SH3BP4: variants seen among roughly 807,000 people sequenced by gnomAD.
SH3BP4 encodes the protein SH3 domain binding protein 4.
A neutral mutation model predicts 65.5 loss-of-function variants in SH3BP4; 33 were observed. The ratio of observed to expected loss-of-function variants is 0.50; its 90% CI spans 0.38 to 0.67. The LOEUF (loss-of-function observed/expected upper bound fraction) is 0.67, where lower values mean the gene tolerates loss of function less well. Among genes scored for constraint, SH3BP4 ranks in the 30% least tolerant of loss-of-function variants. The pLI is 0.00. For synonymous variants in SH3BP4, 552 were observed against 545.5 expected (o/e 1.01, Z -0.17); for missense variants, 1,134 against 1,261.4 (o/e 0.90, Z 1.53).
At chr2:234,986,099 A>C (rs1296158605) in intron 1 of SH3BP4, among the ~76,000 whole-genome samples, 1 of 149,152 alleles carries the variant, frequency 6.7e-6, no homozygotes, top group Non-Finnish European at 1.5e-5. Context: ...CCCTTGACAC[A>C]AACCTATGAG....
In SH3BP4 at chr2:235,042,161, C is replaced by T. The variant is rs1695678320; in HGVS notation, c.1392C>T (p.Ser464=). Reference sequence around the variant, plus strand: ...ATGGCCCAAGCATCCTCTACCCTTCCACCGTGTGGGACTTCATCAATAAAA... The same window carrying T: ...ATGGCCCAAGCATCCTCTACCCTTCTACCGTGTGGGACTTCATCAATAAAA... ...VAHGPSILYP[S]TVWDFINKKV... Residue 464 remains serine, a synonymous_variant, in exon 4 of 6, where the codon TCC becomes TCT. Transcript: ENST00000392011. This position sits in a 1 kb window ranked among gnomAD's most constrained non-coding sequence, Gnocchi z 7.3. 2 of 1,614,108 alleles carry T rather than the reference C, an allele frequency of 1.2e-6. No individual in the cohort carries two copies. The highest frequency in any genetic ancestry group is 1.6e-4 in the Middle Eastern group (1 of 6,062).
At chr2:235,047,713 A>G (rs921767828) in intron 4 of SH3BP4, among the ~76,000 whole-genome samples, 1 of 152,180 alleles carries the variant, frequency 6.6e-6, no homozygotes, top group East Asian at 1.9e-4. Flanking sequence ...GAACTTCCTA[A>G]GGGGCCAGAG....
At position 235,041,340 on chromosome 2, in the gene SH3BP4, G is replaced by T; in HGVS notation, c.571G>T (p.Asp191Tyr). 6.2e-7 allele frequency: 1 copy of T among 1,614,176 alleles called. No individual in the cohort carries two copies. Among genetic ancestry groups the T allele is most frequent in the South Asian group, 1.1e-5 (1 of 91,086 alleles). ...TGAGCTGAATCCCAAAAGTACTGTG[G>T]ATTTGCTCCTTTTTGACGCAGGTAC... is the stretch of plus-strand genomic sequence containing the variant. ...LDELNPKSTV[D>Y]LLLFDAGTSS... is the part of the protein sequence containing the mutation. The change falls in exon 4 of 6, where the codon GAT becomes TAT. Residue 191 changes from aspartate (D) to tyrosine (Y), a missense_variant. Physicochemically the swap from Asp to Tyr is radical, Grantham distance 160. Coordinates refer to ENST00000392011, the MANE Select transcript of SH3BP4 (RefSeq NM_014521.3). The surrounding 1 kb of genome is among the most constrained non-coding windows in gnomAD (Gnocchi z 6.0).
intron 1 of SH3BP4, among the ~76,000 whole-genome samples, chr2:234,990,656 A>G (rs1313191050): frequency 6.6e-6 from 1 of 152,220 alleles, no homozygotes; most frequent in African/African-American, 2.4e-5. Flanking sequence ...GAGCATTTTC[A>G]GATCTGTCAC....
At chr2:235,024,491 G>C (rs1694936393) in intron 2 of SH3BP4, among the ~76,000 whole-genome samples, 1 of 152,148 alleles carries the variant, frequency 6.6e-6, no homozygotes. Context: ...TTGAGCCTCA[G>C]ACATGGCATG....
intron 1 of SH3BP4, among the ~76,000 whole-genome samples, chr2:234,966,622 C>T (rs1421049589): frequency 2.6e-5 from 4 of 152,122 alleles, no homozygotes; most frequent in East Asian, 1.9e-4. Context: ...GGATATTAAC[C>T]GAGGGGAATT....
chr2:235,015,936 G>A (rs573316334), intron 2 of SH3BP4, among the ~76,000 whole-genome samples: 2 of 152,204 alleles, frequency 1.3e-5, no homozygotes, highest in East Asian at 3.9e-4. Flanking sequence ...TGAGAAAGGT[G>A]CAAACGATGG....
intron 1 of SH3BP4, among the ~76,000 whole-genome samples, chr2:234,982,964 G>A (rs1363202300): frequency 6.6e-6 from 1 of 152,236 alleles, no homozygotes; most frequent in Non-Finnish European, 1.5e-5. Context: ...AGATGCAGCT[G>A]AGACCAGCGG....
In SH3BP4 at chr2:235,042,362, G is replaced by A. The variant is rs148242042; in HGVS notation, c.1593G>A (p.Leu531=). 9.7e-5 allele frequency: 156 copies of A among 1,614,140 alleles called. No individual in the cohort carries two copies. Among genetic ancestry groups the A allele is most frequent in the African/African-American group, 7.7e-4 (58 of 75,034 alleles). Residue 531 remains leucine, a synonymous_variant, in exon 4 of 6, where the codon TTG becomes TTA. Coordinates refer to ENST00000392011, the MANE Select transcript of SH3BP4 (RefSeq NM_014521.3). This position sits in a 1 kb window ranked among gnomAD's most constrained non-coding sequence, Gnocchi z 7.3. Reference sequence around the variant, plus strand: ...TGTGGGGGAAGCACCAGTTCGTTTTGTCCAGGCCCCAGGATCTCAAGGTCT... The same window carrying A: ...TGTGGGGGAAGCACCAGTTCGTTTTATCCAGGCCCCAGGATCTCAAGGTCT... ...LQLWGKHQFV[L]SRPQDLKVCM... is the part of the protein sequence containing the mutation.
chr2:235,051,441 C>T (rs527756212), intron 4 of SH3BP4, among the ~76,000 whole-genome samples: 44 of 152,294 alleles, frequency 2.9e-4, no homozygotes, highest in African/African-American at 4.3e-4. Context: ...AGTCCCAAGG[C>T]GGCCACGTGG....
rs1390593069 is a variant in SH3BP4, at chr2:235,038,373, A to T, written c.119-2515A>T. Among the ~76,000 whole-genome samples the T allele has an allele frequency of 7.6e-3, 317 of 41,918 alleles. 10 individuals are homozygous for T. Among genetic ancestry groups the T allele is most frequent in the Non-Finnish European group, 9.8e-3 (262 of 26,766 alleles). 27.5% of individuals were successfully genotyped at this position (41,918 alleles called of 152,430 possible). A position where few individuals can be genotyped will look rare whatever the true frequency, so the allele number is the denominator to read the frequency against. On this transcript the variant is annotated intron_variant, in intron 3 of 5. Coordinates refer to ENST00000392011, the MANE Select transcript of SH3BP4 (RefSeq NM_014521.3). The stretch of plus-strand genomic sequence containing the variant: ...TTTTATATATATATATATAATATAT[A>T]TACATATATATATATATATATATAT...
rs57539980 is a variant in SH3BP4 at position 235,035,844 on chromosome 2, C to G, written c.118+724C>G. The stretch of plus-strand genomic sequence containing the variant: ...TTTCTTCCTGCACATCTGCCCTAAC[C>G]TAGGCCACGTTCAGTCTCTCTCACA... On this transcript the variant is annotated intron_variant, in intron 3 of 5. Coordinates refer to ENST00000392011, the MANE Select transcript of SH3BP4 (RefSeq NM_014521.3). The surrounding 1 kb of genome is among the most constrained non-coding windows in gnomAD (Gnocchi z 5.0). Among the ~76,000 whole-genome samples the G allele has an allele frequency of 0.04, 6,123 of 152,294 alleles. 369 individuals carry two copies. The highest frequency in any genetic ancestry group is 0.13 in the African/African-American group (5,543 of 41,532).
intron 2 of SH3BP4, among the ~76,000 whole-genome samples, chr2:235,020,437 C>T (rs776276291): frequency 1.3e-5 from 2 of 152,034 alleles, no homozygotes; most frequent in Non-Finnish European, 2.9e-5. Flanking sequence ...GCAGAGGTTG[C>T]AGTGAGCCGA....
intron 2 of SH3BP4, among the ~76,000 whole-genome samples, chr2:235,027,163 G>A (rs1196093135): frequency 6.6e-6 from 1 of 152,236 alleles, no homozygotes; most frequent in Non-Finnish European, 1.5e-5. Flanking sequence ...GAAGCATCCT[G>A]GGAGGGACAC....
intron 3 of SH3BP4, among the ~76,000 whole-genome samples, chr2:235,036,502 T>A (rs1448752973): frequency 1.3e-5 from 2 of 152,070 alleles, no homozygotes; most frequent in African/African-American, 4.8e-5. Context: ...ACGCCTGTAA[T>A]CCCAGCACTT....
chr2:235,034,878 C>A lies in SH3BP4; in HGVS notation c.-125C>A. 1 of 725,784 alleles carries A rather than the reference C, an allele frequency of 1.4e-6. No homozygotes were observed. The highest frequency in any genetic ancestry group is 2.3e-6 in the Non-Finnish European group (1 of 434,514). The allele number at this position is 725,784 out of a possible 1,614,324, so 45.0% of individuals were successfully genotyped here. ...TTCCTCCTCTACTTTCAGGAAGAAA[C>A]ATATTGCCGAGTGGATGCCGCCGCG... On this transcript the variant is annotated 5_prime_UTR_variant, in exon 3 of 6. Coordinates refer to ENST00000392011, the MANE Select transcript of SH3BP4 (RefSeq NM_014521.3). The surrounding 1 kb of genome is among the most constrained non-coding windows in gnomAD (Gnocchi z 6.2).
At chr2:235,022,938 T>A (rs1311552289) in intron 2 of SH3BP4, among the ~76,000 whole-genome samples, 5 of 152,174 alleles carry the variant, frequency 3.3e-5, no homozygotes, top group Non-Finnish European at 7.3e-5. Context: ...TGGGCCCCAC[T>A]CCTTGACCTT....
At position 234,952,947 on chromosome 2, in the gene SH3BP4, A is replaced by G. The variant is rs963662904; in HGVS notation, c.-207+777A>G. The G allele has an allele frequency of 2.0e-5, 3 of 151,932 alleles. No homozygotes were observed. The highest frequency in any genetic ancestry group is 7.3e-5 in the African/African-American group (3 of 41,358). The allele number at this position is 151,932 out of a possible 1,614,324, so 9.4% of individuals were successfully genotyped here. On this transcript the variant is annotated intron_variant, in intron 1 of 5. Transcript: ENST00000392011. The surrounding 1 kb of genome is among the most constrained non-coding windows in gnomAD (Gnocchi z 6.5). Reference sequence around the variant, plus strand: ...TCCTAGCCCGGGGCCTGCGGTGTAGACGGGGGTTGGGGACAGGCCCAGCTG... The same window carrying G: ...TCCTAGCCCGGGGCCTGCGGTGTAGGCGGGGGTTGGGGACAGGCCCAGCTG...
Position 235,052,859 on chromosome 2 carries a change from T to G in SH3BP4, c.2667+109T>G. The G allele has an allele frequency of 9.3e-7, 1 of 1,074,326 alleles. No individual in the cohort carries two copies. Among genetic ancestry groups the G allele is most frequent in the South Asian group, 1.6e-5 (1 of 62,762 alleles). 66.5% of individuals were successfully genotyped at this position (1,074,326 alleles called of 1,614,324 possible). A position where few individuals can be genotyped will look rare whatever the true frequency, so the allele number is the denominator to read the frequency against. The stretch of plus-strand genomic sequence containing the variant: ...TTGCCTCGCGGCATTTCTGTGAGGG[T>G]GCAACAGGTGGAAATGTGCACGCAT... On this transcript the variant is annotated intron_variant, in intron 5 of 5. Coordinates refer to ENST00000392011, the MANE Select transcript of SH3BP4 (RefSeq NM_014521.3). This position sits in a 1 kb window ranked among gnomAD's most constrained non-coding sequence, Gnocchi z 5.0.
Sources: allele counts gnomAD v4.1 joint callset (sites outside exome capture counted in the v4.1 genomes callset), GRCh38; gene constraint gnomAD v4.1.1; non-coding constraint Gnocchi (gnomAD v3.1); transcripts MANE v1.5; gene names NCBI Gene and HGNC (gene_info 2026-07-23, HGNC 2026-07-21).